Variants in TADA2A observed in about 807,000 individuals in gnomAD.
The protein encoded by TADA2A is transcriptional adaptor 2A.
Under a neutral mutation model 67.4 loss-of-function variants are expected in TADA2A, and 38 were observed. The observed-to-expected ratio is 0.56, with a 90% CI of 0.44 to 0.74. The LOEUF (loss-of-function observed/expected upper bound fraction) is 0.74. Among genes scored for constraint, TADA2A ranks in the 30% least tolerant of loss-of-function variants. The probability of loss-of-function intolerance (pLI) is 0.00; values close to 1 mark genes in which losing one functional copy is unlikely to be tolerated. For missense variants in TADA2A, 454 were observed against 547.0 expected (o/e 0.83, Z 1.70); for synonymous variants, 192 against 181.6 (o/e 1.06, Z -0.46).
At chr17:37,446,015 T>C (rs931577398) in intron 8 of TADA2A, among the ~76,000 whole-genome samples, 4 of 151,916 alleles carry the variant, frequency 2.6e-5, no homozygotes, top group African/African-American at 7.2e-5. Flanking sequence ...ATACCAGATC[T>C]AAGATAAAGA....
At chr17:37,463,044 C>A (rs1395721980) in intron 10 of TADA2A, among the ~76,000 whole-genome samples, 1 of 151,952 alleles carries the variant, frequency 6.6e-6, no homozygotes, top group Non-Finnish European at 1.5e-5. Flanking sequence ...GTGATGGTAT[C>A]TTGCTGCAGC....
In TADA2A at chr17:37,476,881, T is replaced by C; in HGVS notation, c.1231T>C (p.Leu411=). ...GAACGAATGTAACAAGCAAGGAGGC[T>C]TAAGACTGGCGCAGGCAAGAGCACT... The part of the protein sequence containing the change: ...LLNECNKQGG[L]RLAQARALIK... Residue 411 remains leucine, a synonymous_variant, in exon 16 of 16, where the codon TTA becomes CTA. Coordinates refer to ENST00000615182, the MANE Select transcript of TADA2A (RefSeq NM_001166105.3). 2 of 1,614,202 alleles carry C rather than the reference T, an allele frequency of 1.2e-6. No individual in the cohort carries two copies. Among genetic ancestry groups the C allele is most frequent in the Non-Finnish European group, 1.7e-6 (2 of 1,180,040 alleles).
chr17:37,431,202 G>A (rs1194164776), intron 4 of TADA2A, among the ~76,000 whole-genome samples: 1 of 151,960 alleles, frequency 6.6e-6, no homozygotes, highest in Non-Finnish European at 1.5e-5. Flanking sequence ...GTTATCTATT[G>A]CTATGTAACA....
chr17:37,411,285 G>A lies in TADA2A; in HGVS notation c.-81G>A. 3.7e-6 allele frequency: 5 copies of A among 1,338,484 alleles called. No individual in the cohort carries two copies. Among genetic ancestry groups the A allele is most frequent in the Non-Finnish European group, 4.3e-6 (4 of 931,546 alleles). The allele number at this position is 1,338,484 out of a possible 1,614,324, so 82.9% of individuals were successfully genotyped here. A position where few individuals can be genotyped will look rare whatever the true frequency, so the allele number is the denominator to read the frequency against. ...TGTTCCTAGGGAGTCATCAAGCTTT[G>A]GTGTATGTGTTGGCCGGTTCTGAAG... is the stretch of plus-strand genomic sequence containing the variant. On this transcript the variant is annotated 5_prime_UTR_variant, in exon 2 of 16. Coordinates refer to ENST00000615182, the MANE Select transcript of TADA2A (RefSeq NM_001166105.3).
At chr17:37,425,370 C>T (rs2052374534) in intron 3 of TADA2A, among the ~76,000 whole-genome samples, 1 of 152,124 alleles carries the variant, frequency 6.6e-6, no homozygotes, top group Admixed American at 6.6e-5. Flanking sequence ...TGCTCTGTCC[C>T]AGGCACCACT....
chr17:37,410,753 A>G (rs2051840160), intron 1 of TADA2A, among the ~76,000 whole-genome samples: 2 of 152,228 alleles, frequency 1.3e-5, no homozygotes, highest in African/African-American at 4.8e-5. Flanking sequence ...CTCAAGATCC[A>G]GATTTCTGGA....
intron 2 of TADA2A, among the ~76,000 whole-genome samples, chr17:37,414,144 G>C (rs2051966881): frequency 1.3e-5 from 2 of 151,986 alleles, no homozygotes; most frequent in African/African-American, 4.8e-5. Flanking sequence ...ACTTTTTTAT[G>C]GCTGCATAGT....
chr17:37,428,155 C>T (rs1057203629), intron 4 of TADA2A, among the ~76,000 whole-genome samples: 31 of 152,140 alleles, frequency 2.0e-4, no homozygotes, highest in African/African-American at 7.2e-4. Flanking sequence ...TATTTTCTAT[C>T]GATGCTGCAA....
chr17:37,458,673 GTCTGTGTC>G, intron 9 of TADA2A, 86 bp downstream of exon 9: 1 of 956,522 alleles, frequency 1.0e-6, no homozygotes, highest in Non-Finnish European at 1.5e-6. Flanking sequence ...GTGTGTGTGT[GTCTGTGTC>G]TGTGTCTGTG....
In TADA2A at chr17:37,470,464, C is replaced by T; in HGVS notation, c.960C>T (p.Leu320=). 6.2e-7 allele frequency: 1 copy of T among 1,612,662 alleles called. No individual in the cohort carries two copies. The highest frequency in any genetic ancestry group is 1.3e-5 in the African/African-American group (1 of 74,736). ...AAGAGCGCCTTAAACGCACTATGCT[C>T]TCAGAAGTTCTCCAGTATATCCAGG... The part of the protein sequence containing the change: ...REEERLKRTM[L]SEVLQYIQDS... The change falls in exon 13 of 16, where the codon CTC becomes CTT. Residue 320 remains leucine, a synonymous_variant. Coordinates refer to ENST00000615182, the MANE Select transcript of TADA2A (RefSeq NM_001166105.3).
intron 11 of TADA2A, 42 bp from the exon 12 acceptor site, chr17:37,467,412 T>C (rs1555692215): frequency 1.9e-6 from 3 of 1,571,500 alleles, no homozygotes; most frequent in Non-Finnish European, 2.6e-6. Context: ...ATGTTGCTTT[T>C]GTTTTTGTAA....
At chr17:37,415,941 CTT>C (rs139945109) in intron 2 of TADA2A, among the ~76,000 whole-genome samples, 34,249 of 149,004 alleles carry the variant, frequency 0.23, 4,077 homozygotes, top group Middle Eastern at 0.36. Flanking sequence ...GGCATTGAAA[CTT>C]TTGCCAATCT....
In TADA2A at chr17:37,409,813, A is replaced by G. The variant is rs542381398; in HGVS notation, c.-97-1456A>G. Among the ~76,000 whole-genome samples, 4 of 152,144 alleles carry G rather than the reference A, an allele frequency of 2.6e-5. No homozygotes were observed. The East Asian group carries it at 7.7e-4, about 29-fold the overall frequency. On this transcript the variant is annotated intron_variant, in intron 1 of 15. Coordinates refer to ENST00000615182, the MANE Select transcript of TADA2A (RefSeq NM_001166105.3). Reference sequence around the variant, plus strand: ...ACAAAAAGCTGTGAGTGTACAGAAGAAGGATTATTTTTTGACTTAGTGTAA... The same window carrying G: ...ACAAAAAGCTGTGAGTGTACAGAAGGAGGATTATTTTTTGACTTAGTGTAA...
At chr17:37,468,614 G>A (rs557969385) in intron 12 of TADA2A, among the ~76,000 whole-genome samples, 2 of 150,874 alleles carry the variant, frequency 1.3e-5, no homozygotes, top group South Asian at 2.1e-4. Context: ...CAGTCCTCCC[G>A]CCTAGGCCTC....
chr17:37,426,036 A>G (rs779808957), intron 3 of TADA2A, among the ~76,000 whole-genome samples: 1 of 151,912 alleles, frequency 6.6e-6, no homozygotes. Context: ...GTGCAGTGGT[A>G]TAATCATAGC....
chr17:37,450,401 G>A (rs17138735), intron 8 of TADA2A, among the ~76,000 whole-genome samples: 8,959 of 152,200 alleles, frequency 0.059, 838 homozygotes, highest in African/African-American at 0.2. Context: ...CTCTGAGTTG[G>A]TTTTCTTGCC....
chr17:37,418,712 C>T (rs1158543259), intron 2 of TADA2A, among the ~76,000 whole-genome samples: 1 of 42,366 alleles, frequency 2.4e-5, no homozygotes, highest in African/African-American at 1.5e-4. Flanking sequence ...CTGCCTCAGC[C>T]TCCTGAGTAG....
intron 2 of TADA2A, 72 bp downstream of exon 2, chr17:37,411,462 G>C: frequency 1.4e-6 from 2 of 1,416,682 alleles, no homozygotes; most frequent in South Asian, 1.2e-5. Context: ...TCCCTCTGTT[G>C]CCCAGGCTGG....
At chr17:37,467,909 C>G (rs1432214119) in intron 12 of TADA2A, among the ~76,000 whole-genome samples, 1 of 152,014 alleles carries the variant, frequency 6.6e-6, no homozygotes, top group Non-Finnish European at 1.5e-5. Context: ...TGGTGAAACC[C>G]TACCTCTACT....
Sources: gnomAD v4.1 joint callset for allele counts (sites outside exome capture counted in the v4.1 genomes callset) on GRCh38, gnomAD v4.1.1 for gene constraint, MANE v1.5 for transcripts, NCBI Gene and HGNC (gene_info 2026-07-23, HGNC 2026-07-21) for gene names.